Variants in TMEM74 observed in about 807,000 individuals in gnomAD.
The protein encoded by TMEM74 is transmembrane protein 74.
TMEM74 carries 13 observed loss-of-function variants against 18.1 expected under a neutral mutation model. The observed-to-expected ratio is 0.72, with a 90% CI of 0.47 to 1.14. TMEM74 has a LOEUF of 1.14. Ranked by LOEUF, TMEM74 falls within the 50% of genes most tolerant of loss-of-function variation. TMEM74 has a pLI of 0.00. For missense variants in TMEM74, 372 were observed against 375.9 expected, an observed-to-expected ratio of 0.99 and a Z score of 0.09; for synonymous variants, 159 against 146.6, an observed-to-expected ratio of 1.08 and a Z score of -0.61.
downstream of TMEM74, among the ~76,000 whole-genome samples, chr8:108,778,553 A>T (rs1814263050): frequency 6.6e-6 from 1 of 152,252 alleles, no homozygotes; most frequent in African/African-American, 2.4e-5. Flanking sequence ...GGATGTAGAT[A>T]AGAATCTTGA....
intron 1 of TMEM74, among the ~76,000 whole-genome samples, chr8:108,699,180 C>CCTTCCTTCCTTCCTTT (rs1227020915): frequency 2.9e-4 from 28 of 95,268 alleles, no homozygotes; most frequent in African/African-American, 9.2e-4. Context: ...TTCCTTCCTT[C>CCTTCCTTCCTTCCTTT]CTTCCTCCCT....
intron 1 of TMEM74, among the ~76,000 whole-genome samples, chr8:108,670,686 T>G (rs573812582): frequency 2.0e-5 from 3 of 152,250 alleles, no homozygotes; most frequent in Non-Finnish European, 2.9e-5. Flanking sequence ...AAAGTCAGGA[T>G]ACAGAAAAAC....
chr8:108,693,011 C>T (rs1813246105), intron 1 of TMEM74, among the ~76,000 whole-genome samples: 1 of 152,068 alleles, frequency 6.6e-6, no homozygotes, highest in African/African-American at 2.4e-5. Flanking sequence ...GAGAGGGCTG[C>T]TTTAGCTAGG....
chr8:108,694,005 C>T (rs975711570), intron 1 of TMEM74, among the ~76,000 whole-genome samples: 4 of 152,308 alleles, frequency 2.6e-5, no homozygotes, highest in East Asian at 1.9e-4. Context: ...ACATCATAAC[C>T]TTTAAACATT....
chr8:108,751,186 A>G (rs569888466), intron 1 of TMEM74, among the ~76,000 whole-genome samples: 6 of 152,242 alleles, frequency 3.9e-5, no homozygotes, highest in African/African-American at 1.4e-4. Flanking sequence ...GCTTCTGACA[A>G]TTAAGCTGTT....
chr8:108,760,154 G>C (rs530786937), intron 1 of TMEM74, among the ~76,000 whole-genome samples: 16 of 150,806 alleles, frequency 1.1e-4, no homozygotes, highest in Non-Finnish European at 2.2e-4. Context: ...GACTGGGAGA[G>C]AGAGAGAGAG....
intron 2 of TMEM74, among the ~76,000 whole-genome samples, chr8:108,617,396 C>T (rs1174373129): frequency 1.3e-5 from 2 of 152,064 alleles, no homozygotes; most frequent in Non-Finnish European, 2.9e-5. Flanking sequence ...GTAAATCCTA[C>T]AAATTTGGAA....
intron 1 of TMEM74, among the ~76,000 whole-genome samples, chr8:108,739,336 T>G (rs1382400058): frequency 6.6e-6 from 1 of 152,180 alleles, no homozygotes; most frequent in Non-Finnish European, 1.5e-5. Context: ...TGGTGCATTC[T>G]GGAAAATTTG....
In TMEM74 at chr8:108,784,534, T is replaced by A; in HGVS notation, c.565A>T (p.Ile189Phe). The A allele has an allele frequency of 3.7e-6, 6 of 1,614,122 alleles. No individual in the cohort carries two copies. The highest frequency in any genetic ancestry group is 5.1e-6 in the Non-Finnish European group (6 of 1,180,038). ...ISAILFLVTG[I>F]LLVIISYIVP... is the part of the protein sequence containing the mutation. ...ATGTAAGAGATGATCACGAGCAGGA[T>A]CCCAGTGACCAAGAACAAGATGGCG... is the stretch of plus-strand genomic sequence containing the variant. Residue 189 changes from isoleucine to phenylalanine, a missense_variant, in exon 2 of 2, where the codon ATC becomes TTC. Transcript: ENST00000297459.
chr8:108,754,050 T>C (rs1813931155), intron 1 of TMEM74, among the ~76,000 whole-genome samples: 2 of 152,074 alleles, frequency 1.3e-5, no homozygotes, highest in African/African-American at 2.4e-5. Flanking sequence ...TTGCTTATCT[T>C]AACAAGTTCT....
At position 108,784,724 on chromosome 8, in the gene TMEM74, C is replaced by G; in HGVS notation, c.375G>C (p.Arg125=). 6.2e-7 allele frequency: 1 copy of G among 1,614,168 alleles called. No homozygotes were observed. The highest frequency in any genetic ancestry group is 8.5e-7 in the Non-Finnish European group (1 of 1,180,036). Residue 125 remains arginine (R), a synonymous_variant, in exon 2 of 2, where the codon CGG becomes CGC. Coordinates refer to ENST00000297459, the MANE Select transcript of TMEM74 (RefSeq NM_153015.3). The part of the protein sequence containing the change: ...DKNINLEQRN[R]SSPSAKGHNH... ...TATGCCCTTTTGCTGATGGCGAGCT[C>G]CGGTTCCGCTGCTCCAAGTTGATGT...
chr8:108,613,088 A>G (rs1347796074), intron 2 of TMEM74, among the ~76,000 whole-genome samples: 1 of 152,158 alleles, frequency 6.6e-6, no homozygotes, highest in Non-Finnish European at 1.5e-5. Flanking sequence ...TACTTCTTTC[A>G]TATTCAAATG....
At chr8:108,653,830 G>T (rs1320106882) in intron 2 of TMEM74, among the ~76,000 whole-genome samples, 1 of 151,976 alleles carries the variant, frequency 6.6e-6, no homozygotes, top group Admixed American at 6.6e-5. Flanking sequence ...ACACAAATTG[G>T]GATTGATGAT....
At chr8:108,679,336 A>G (rs1813089000) in intron 1 of TMEM74, among the ~76,000 whole-genome samples, 1 of 152,212 alleles carries the variant, frequency 6.6e-6, no homozygotes, top group Non-Finnish European at 1.5e-5. Flanking sequence ...GAATTCCACA[A>G]GGGCTGAACT....
intron 1 of TMEM74, among the ~76,000 whole-genome samples, chr8:108,715,022 T>C (rs571933198): frequency 3.9e-5 from 6 of 152,196 alleles, no homozygotes; most frequent in Non-Finnish European, 7.3e-5. Flanking sequence ...CTCCGATATT[T>C]AAGCATTCTA....
intron 1 of TMEM74, among the ~76,000 whole-genome samples, chr8:108,707,174 G>A (rs1432921272): frequency 1.4e-5 from 2 of 146,618 alleles, no homozygotes; most frequent in Admixed American, 1.4e-4. Flanking sequence ...ATCACACACC[G>A]GGGCCTGTCG....
At chr8:108,714,876 C>T (rs1311419023) in intron 1 of TMEM74, among the ~76,000 whole-genome samples, 2 of 152,146 alleles carry the variant, frequency 1.3e-5, no homozygotes, top group Non-Finnish European at 2.9e-5. Flanking sequence ...TCCTTTGCAG[C>T]AACGTGGATG....
At chr8:108,628,900 T>C (rs1316988420) in intron 2 of TMEM74, among the ~76,000 whole-genome samples, 2 of 152,158 alleles carry the variant, frequency 1.3e-5, no homozygotes, top group Non-Finnish European at 2.9e-5. Flanking sequence ...TGAGATTTTT[T>C]TTTCATATGT....
chr8:108,629,874 A>G (rs1356338286), intron 2 of TMEM74, among the ~76,000 whole-genome samples: 1 of 152,144 alleles, frequency 6.6e-6, no homozygotes, highest in Non-Finnish European at 1.5e-5. Context: ...CAGCCACTGC[A>G]AAAACACACC....
Sources: allele counts gnomAD v4.1 joint callset (sites outside exome capture counted in the v4.1 genomes callset), GRCh38; gene constraint gnomAD v4.1.1; transcripts MANE v1.5; gene names NCBI Gene and HGNC (gene_info 2026-07-23, HGNC 2026-07-21).